Variants in COA1 observed in about 807,000 individuals in gnomAD.
COA1 encodes cytochrome c oxidase assembly factor 1.
Under a neutral mutation model 16.0 loss-of-function variants are expected in COA1, and 13 were observed. That is an observed-to-expected ratio of 0.81 (90% CI 0.53 to 1.29). COA1 has a LOEUF of 1.29. Ranked by LOEUF, COA1 falls within the 50% of genes most tolerant of loss-of-function variation. The pLI, the probability that COA1 is intolerant of heterozygous loss-of-function variation, is 0.00. For synonymous variants in COA1, 65 were observed against 65.7 expected (o/e 0.99, Z 0.05); for missense variants, 179 against 177.0 (o/e 1.01, Z -0.06).
chr7:43,647,711 A>G (rs2089794342), intron 2 of COA1, 77 bp from the exon 3 acceptor site: 2 of 1,088,876 alleles, frequency 1.8e-6, no homozygotes, highest in Non-Finnish European at 2.7e-6. Context: ...TTGGACCCCT[A>G]AAGGAAAGAA....
At chr7:43,706,166 C>A (rs1386842622) in intron 1 of COA1, among the ~76,000 whole-genome samples, 1 of 152,046 alleles carries the variant, frequency 6.6e-6, no homozygotes, top group East Asian at 1.9e-4. Flanking sequence ...TCATCTCCTA[C>A]ACTACTGGAA....
chr7:43,691,481 T>A (rs924362774), intron 1 of COA1, among the ~76,000 whole-genome samples: 1 of 134,570 alleles, frequency 7.4e-6, no homozygotes. Context: ...AAGAAAGAAA[T>A]TATCATCAAT....
At chr7:43,690,160 T>A (rs1034578471) in intron 1 of COA1, among the ~76,000 whole-genome samples, 5 of 152,180 alleles carry the variant, frequency 3.3e-5, no homozygotes, top group Non-Finnish European at 7.4e-5. Context: ...GGTGGGAATG[T>A]AAATTAGTAC....
chr7:43,628,904 GCTTT>G (rs1257901929), intron 6 of COA1, among the ~76,000 whole-genome samples: 1 of 152,116 alleles, frequency 6.6e-6, no homozygotes. Context: ...TATAGTTAAT[GCTTT>G]CTTTGTGCTC....
At chr7:43,641,143 G>A (rs907642763) in intron 4 of COA1, 2 of 152,172 alleles carry the variant, frequency 1.3e-5, no homozygotes, top group African/African-American at 4.8e-5. Context: ...ACTGCCTCTG[G>A]TGGAGCTGGA....
chr7:43,714,238 G>A (rs2095332857), intron 1 of COA1, among the ~76,000 whole-genome samples: 3 of 151,944 alleles, frequency 2.0e-5, no homozygotes, highest in African/African-American at 7.3e-5. Context: ...TTGTAATAGA[G>A]TTATACTAAA....
intron 3 of COA1, chr7:43,646,839 A>G: frequency 3.6e-6 from 1 of 277,368 alleles, no homozygotes; most frequent in Non-Finnish European, 7.5e-6. Context: ...CATCCTGGGA[A>G]GAAGTGAAAA....
chr7:43,681,493 C>T lies in COA1; in HGVS notation c.-38-32841G>A, dbSNP rs1288133481. On this transcript the variant is annotated intron_variant, in intron 1 of 5. Transcript: ENST00000223336. ...CTTCCGCATCTTTGGGGAAATGGTT[C>T]CCTTCTTTTACGGAGATATCTTTCA... Among the ~76,000 whole-genome samples the T allele has an allele frequency of 2.0e-5, 3 of 152,040 alleles. No individual in the cohort carries two copies. The South Asian group carries it at 6.2e-4, about 32-fold the overall frequency.
At chr7:43,687,995 G>A (rs1295916243) in intron 1 of COA1, among the ~76,000 whole-genome samples, 2 of 152,138 alleles carry the variant, frequency 1.3e-5, no homozygotes, top group Non-Finnish European at 1.5e-5. Flanking sequence ...TAAGTCTCAC[G>A]AGCTCTGATG....
chr7:43,614,801 A>C (rs1176548289), intron 6 of COA1, among the ~76,000 whole-genome samples: 1 of 152,238 alleles, frequency 6.6e-6, no homozygotes, highest in Non-Finnish European at 1.5e-5. Flanking sequence ...ATACAATAAG[A>C]TTTTAATAAT....
intron 6 of COA1, among the ~76,000 whole-genome samples, chr7:43,614,225 C>T (rs778994395): frequency 3.9e-5 from 6 of 152,180 alleles, no homozygotes; most frequent in Middle Eastern, 6.8e-3. Flanking sequence ...ATGAAGATAC[C>T]GAGATAAATA....
At chr7:43,695,907 A>C (rs966850469) in intron 1 of COA1, among the ~76,000 whole-genome samples, 3 of 152,252 alleles carry the variant, frequency 2.0e-5, no homozygotes, top group African/African-American at 7.2e-5. Flanking sequence ...ATACGAAAGG[A>C]AACTTGTGCA....
At chr7:43,688,542 G>A (rs371384091) in intron 1 of COA1, among the ~76,000 whole-genome samples, 5 of 151,966 alleles carry the variant, frequency 3.3e-5, no homozygotes, top group Non-Finnish European at 7.4e-5. Context: ...CATTAGTCAG[G>A]ATCAGGTTCA....
At chr7:43,664,103 A>AAGAGAGAGAGAGAG (rs141990456) in intron 1 of COA1, among the ~76,000 whole-genome samples, 4,463 of 135,142 alleles carry the variant, frequency 0.033, 187 homozygotes, top group African/African-American at 0.074. Flanking sequence ...TGTCTTTAGA[A>AAGAGAGAGAGAGAG]AGAGAGAGAG....
chr7:43,669,376 A>G (rs1388111306), intron 1 of COA1, among the ~76,000 whole-genome samples: 1 of 152,158 alleles, frequency 6.6e-6, no homozygotes, highest in Non-Finnish European at 1.5e-5. Context: ...ACAGGCCATT[A>G]GAAACTGGGT....
chr7:43,724,054 C>T (rs1271450966), intron 1 of COA1, among the ~76,000 whole-genome samples: 1 of 152,204 alleles, frequency 6.6e-6, no homozygotes, highest in African/African-American at 2.4e-5. Flanking sequence ...AGTCCTAATA[C>T]AAAAACACCT....
intron 1 of COA1, among the ~76,000 whole-genome samples, chr7:43,664,261 A>G (rs1428334718): frequency 6.6e-6 from 1 of 152,144 alleles, no homozygotes; most frequent in Non-Finnish European, 1.5e-5. Context: ...GATTACAGGC[A>G]TGCAACACCA....
At chr7:43,633,845 C>T (rs1199675336) in intron 6 of COA1, among the ~76,000 whole-genome samples, 5 of 152,074 alleles carry the variant, frequency 3.3e-5, no homozygotes, top group Non-Finnish European at 7.4e-5. Flanking sequence ...CCCTCCCTCT[C>T]CTCTTTCTTA....
At chr7:43,609,807 T>C in intron 6 of COA1, among the ~76,000 whole-genome samples, 1 of 152,292 alleles carries the variant, frequency 6.6e-6, no homozygotes, top group East Asian at 1.9e-4. Context: ...CAAAAAACTT[T>C]CCCATCCTGA....
Sources: allele counts gnomAD v4.1 joint callset (sites outside exome capture counted in the v4.1 genomes callset), GRCh38; gene constraint gnomAD v4.1.1; transcripts MANE v1.5; gene names NCBI Gene and HGNC (gene_info 2026-07-23, HGNC 2026-07-21).